The following RFC3 variants were observed in gnomAD, a reference collection of about 807,000 sequenced individuals.
The protein encoded by RFC3 is A1 38 kDa subunit.
A neutral mutation model predicts 45.1 loss-of-function variants in RFC3; 41 were observed. The observed-to-expected ratio is 0.91, with a 90% CI of 0.71 to 1.18. RFC3 has a LOEUF of 1.18. Among genes scored for constraint, RFC3 ranks in the 50% most tolerant of loss-of-function variants. RFC3 has a pLI of 0.00. For synonymous variants in RFC3, 149 were observed against 144.0 expected (o/e 1.03, Z -0.25); for missense variants, 423 against 428.1 (o/e 0.99, Z 0.10).
chr13:33,830,812 C>A lies in RFC3; in HGVS notation c.667C>A (p.Leu223Ile). The A allele has an allele frequency of 6.2e-7, 1 of 1,613,752 alleles. No homozygotes were observed. The highest frequency in any genetic ancestry group is 1.1e-5 in the South Asian group (1 of 91,062). ...HRLAEKSCRN[L>I]RKALLMCEAC... ...ACTTGCAGAGAAGTCTTGTAGAAAT[C>A]TCAGAAAAGCCCTGCTTATGTGTGA... is the stretch of plus-strand genomic sequence containing the variant. Residue 223 changes from leucine (L) to isoleucine (I), a missense_variant, in exon 6 of 9, where the codon CTC becomes ATC. Physicochemically the swap from Leu to Ile is conservative, Grantham distance 5 (BLOSUM62 2). Coordinates refer to ENST00000380071, the MANE Select transcript of RFC3 (RefSeq NM_002915.4).
chr13:33,927,259 T>A (rs1015957549), intron 8 of RFC3, among the ~76,000 whole-genome samples: 1 of 151,860 alleles, frequency 6.6e-6, no homozygotes, highest in Non-Finnish European at 1.5e-5. Context: ...GATTTGCAAT[T>A]TGGGGCACAT....
intron 8 of RFC3, among the ~76,000 whole-genome samples, chr13:33,934,303 A>G (rs1211544019): frequency 1.3e-5 from 2 of 152,176 alleles, no homozygotes. Context: ...ACTGCACTCC[A>G]GCCTGGGTGA....
chr13:33,820,434 C>T (rs2081991004), intron 1 of RFC3, among the ~76,000 whole-genome samples: 1 of 152,228 alleles, frequency 6.6e-6, no homozygotes, highest in African/African-American at 2.4e-5. Flanking sequence ...AATCATACGG[C>T]AGCTTCCCCA....
At chr13:33,937,594 C>T (rs775490363) in intron 8 of RFC3, among the ~76,000 whole-genome samples, 66 of 152,126 alleles carry the variant, frequency 4.3e-4, no homozygotes, top group Admixed American at 2.0e-4. Flanking sequence ...TTTTCCTGTA[C>T]TTTTTTGCTC....
intron 1 of RFC3, among the ~76,000 whole-genome samples, chr13:33,819,624 C>A (rs1196528660): frequency 6.6e-6 from 1 of 152,222 alleles, no homozygotes; most frequent in East Asian, 1.9e-4. Flanking sequence ...TTGATTACTG[C>A]AGTATCCATC....
intron 5 of RFC3, 56 bp from the exon 6 acceptor site, chr13:33,830,663 A>T: frequency 6.9e-7 from 1 of 1,458,556 alleles, no homozygotes; most frequent in Non-Finnish European, 9.4e-7. Flanking sequence ...ATCAACAGAA[A>T]TGAATCTTAA....
chr13:33,938,647 A>G (rs76393177), intron 8 of RFC3, among the ~76,000 whole-genome samples: 2,040 of 152,280 alleles, frequency 0.013, 27 homozygotes, highest in African/African-American at 0.043. Context: ...GCTAAATAGT[A>G]TGCCATTGTA....
intron 2 of RFC3, 36 bp from the exon 3 acceptor site, chr13:33,823,881 A>G (rs780159870): frequency 8.7e-7 from 1 of 1,149,900 alleles, no homozygotes. Flanking sequence ...ATAGGCAATA[A>G]ATAAATGTTA....
chr13:33,954,040 A>G (rs187052428), intron 8 of RFC3, among the ~76,000 whole-genome samples: 37 of 152,340 alleles, frequency 2.4e-4, no homozygotes, highest in African/African-American at 8.9e-4. Context: ...AATGTCAAGT[A>G]TGGTGCTAAG....
At chr13:33,859,857 A>C (rs79221514) in intron 8 of RFC3, among the ~76,000 whole-genome samples, 13 of 152,248 alleles carry the variant, frequency 8.5e-5, no homozygotes, top group African/African-American at 3.1e-4. Context: ...TTTTGTCCCC[A>C]TCACCCCCAA....
At chr13:33,915,524 A>G (rs959223751) in intron 8 of RFC3, among the ~76,000 whole-genome samples, 1 of 152,106 alleles carries the variant, frequency 6.6e-6, no homozygotes, top group Non-Finnish European at 1.5e-5. Flanking sequence ...AAGAAGGAAA[A>G]TGCTGCCGTC....
At chr13:33,969,992 CAT>C (rs1318474039), downstream of RFC3, among the ~76,000 whole-genome samples, 2 of 147,694 alleles carry the variant, frequency 1.4e-5, no homozygotes, top group African/African-American at 5.0e-5. Flanking sequence ...CATAGATAAA[CAT>C]GTGCCATGGT....
At chr13:33,935,782 G>A (rs934804930) in intron 8 of RFC3, among the ~76,000 whole-genome samples, 1 of 152,118 alleles carries the variant, frequency 6.6e-6, no homozygotes, top group African/African-American at 2.4e-5. Flanking sequence ...ATTTCACCTG[G>A]TCTGTTAGGA....
At position 33,831,207 on chromosome 13, in the gene RFC3, C is replaced by T. The variant is rs1414736085; in HGVS notation, c.711-49C>T. On this transcript the variant is annotated intron_variant, in intron 6 of 8. Transcript: ENST00000380071. ...GTGGTTGGGGACTCCTGTTTTAGGA[C>T]ATAAGCACACTTCTGTTTAACTTCT... is the stretch of plus-strand genomic sequence containing the variant. 5.1e-6 allele frequency: 6 copies of T among 1,176,508 alleles called. No homozygotes were observed. The Admixed American group carries it at 8.5e-5, about 17-fold the overall frequency. 72.9% of individuals were successfully genotyped at this position (1,176,508 alleles called of 1,614,324 possible). A position where few individuals can be genotyped will look rare whatever the true frequency, so the allele number is the denominator to read the frequency against.
chr13:33,872,779 A>G (rs1248975551), intron 8 of RFC3, among the ~76,000 whole-genome samples: 1 of 138,038 alleles, frequency 7.2e-6, no homozygotes, highest in Non-Finnish European at 1.5e-5. Flanking sequence ...GAACAAAAAA[A>G]GAAAGAAACC....
At chr13:33,960,159 T>C (rs2137860379) in intron 8 of RFC3, among the ~76,000 whole-genome samples, 1 of 152,180 alleles carries the variant, frequency 6.6e-6, no homozygotes, top group East Asian at 1.9e-4. Flanking sequence ...AGGGATTACA[T>C]TTCAACATGG....
intron 8 of RFC3, among the ~76,000 whole-genome samples, chr13:33,923,497 G>C (rs1451484921): frequency 6.6e-6 from 1 of 152,134 alleles, no homozygotes; most frequent in Non-Finnish European, 1.5e-5. Flanking sequence ...CAGAACAAGT[G>C]GGATGGCCTG....
intron 8 of RFC3, among the ~76,000 whole-genome samples, chr13:33,914,122 A>T (rs2082719241): frequency 6.6e-6 from 1 of 152,006 alleles, no homozygotes; most frequent in African/African-American, 2.4e-5. Flanking sequence ...AAGGCGGTTC[A>T]TGGTCAATTA....
chr13:33,891,201 G>T (rs184153789), intron 8 of RFC3, among the ~76,000 whole-genome samples: 224 of 152,210 alleles, frequency 1.5e-3, no homozygotes, highest in Non-Finnish European at 2.5e-3. Context: ...ACTAAGAGTG[G>T]CAATGGTATT....
Sources: allele counts gnomAD v4.1 joint callset (sites outside exome capture counted in the v4.1 genomes callset), GRCh38; gene constraint gnomAD v4.1.1; transcripts MANE v1.5; gene names NCBI Gene and HGNC (gene_info 2026-07-23, HGNC 2026-07-21).